The following ZC3H13 variants were observed in gnomAD, a reference collection of about 807,000 sequenced individuals.
The protein encoded by ZC3H13 is zinc finger CCCH domain-containing protein 13.
In ZC3H13, 64 loss-of-function variants were observed where a neutral mutation model predicts 204.1. The ratio of observed to expected loss-of-function variants is 0.31; its 90% CI spans 0.26 to 0.39. ZC3H13 has a LOEUF of 0.39. Among genes scored for constraint, ZC3H13 ranks in the 10% least tolerant of loss-of-function variants. The pLI, the probability that ZC3H13 is intolerant of heterozygous loss-of-function variation, is 1.00. For missense variants in ZC3H13, 1,833 were observed against 2,082.7 expected, an observed-to-expected ratio of 0.88 and a Z score of 2.33; for synonymous variants, 667 against 693.7, an observed-to-expected ratio of 0.96 and a Z score of 0.60.
intron 4 of ZC3H13, among the ~76,000 whole-genome samples, chr13:46,031,589 A>G (rs1309047605): frequency 6.6e-6 from 1 of 152,224 alleles, no homozygotes; most frequent in Non-Finnish European, 1.5e-5. Flanking sequence ...AAATTGAATA[A>G]TAAGAAAACA....
At chr13:45,987,506 T>A (rs190822187) in intron 9 of ZC3H13, among the ~76,000 whole-genome samples, 79 of 151,882 alleles carry the variant, frequency 5.2e-4, no homozygotes, top group Non-Finnish European at 9.6e-4. Flanking sequence ...TCATAAACAC[T>A]GCTGTGCTGA....
intron 8 of ZC3H13, among the ~76,000 whole-genome samples, chr13:45,990,559 C>T (rs1461996657): frequency 2.0e-5 from 3 of 152,006 alleles, no homozygotes; most frequent in African/African-American, 7.2e-5. Flanking sequence ...ATAGTGATTC[C>T]TTTCTAACAT....
At chr13:45,989,806 C>CAAG (rs72511236) in intron 8 of ZC3H13, among the ~76,000 whole-genome samples, 1 of 151,812 alleles carries the variant, frequency 6.6e-6, no homozygotes, top group Admixed American at 6.6e-5. Context: ...TCATTAAGCA[C>CAAG]ATCTGAATCA....
intron 5 of ZC3H13, among the ~76,000 whole-genome samples, chr13:46,013,899 A>C (rs2041740886): frequency 6.6e-6 from 1 of 152,176 alleles, no homozygotes; most frequent in Non-Finnish European, 1.5e-5. Flanking sequence ...AATTCTTACT[A>C]ATTAACAGAA....
chr13:45,993,266 T>C (rs1433868043), intron 8 of ZC3H13, among the ~76,000 whole-genome samples: 3 of 152,130 alleles, frequency 2.0e-5, no homozygotes, highest in Admixed American at 6.5e-5. Context: ...ACAATCTACA[T>C]GTGTGTGGCA....
chr13:46,043,487 C>T (rs2139166764), intron 3 of ZC3H13, among the ~76,000 whole-genome samples: 1 of 152,000 alleles, frequency 6.6e-6, no homozygotes, highest in East Asian at 1.9e-4. Context: ...TAATAAAACA[C>T]TTTAGTATGA....
rs765064582 is a variant in ZC3H13, at chr13:45,968,960, T to C, written c.3584A>G (p.Asn1195Ser). 6.8e-6 allele frequency: 11 copies of C among 1,614,118 alleles called. No individual in the cohort carries two copies. The highest frequency in any genetic ancestry group is 5.0e-5 in the Admixed American group (3 of 59,998). The change falls in exon 14 of 19, where the codon AAT becomes AGT. Residue 1195 changes from asparagine (N) to serine (S), a missense_variant. Physicochemically the swap from Asn to Ser is conservative, Grantham distance 46. Coordinates refer to ENST00000679008, the MANE Select transcript of ZC3H13 (RefSeq NM_001330564.2). ...DQKRSSSLGS[N>S]RSNRSHTSGR... is the part of the protein sequence containing the mutation. ...AGACGTATGACTACGGTTACTCCGA[T>C]TGCTCCCGAGGCTGCTGCTCCTCTT...
intron 15 of ZC3H13, among the ~76,000 whole-genome samples, chr13:45,966,085 T>C (rs894760075): frequency 1.3e-5 from 2 of 152,088 alleles, no homozygotes; most frequent in African/African-American, 4.8e-5. Flanking sequence ...GTATGTTCTA[T>C]TTTTTTATTT....
At chr13:46,008,529 AAAG>A (rs1451849126) in intron 7 of ZC3H13, among the ~76,000 whole-genome samples, 3 of 152,178 alleles carry the variant, frequency 2.0e-5, no homozygotes, top group African/African-American at 7.2e-5. Context: ...TGTTACTAAT[AAAG>A]AAGCAAAAGA....
At position 45,969,379 on chromosome 13, in the gene ZC3H13, G is replaced by A; in HGVS notation, c.3165C>T (p.Asp1055=). 1 of 1,614,038 alleles carries A rather than the reference G, an allele frequency of 6.2e-7. No individual in the cohort carries two copies. Among genetic ancestry groups the A allele is most frequent in the South Asian group, 1.1e-5 (1 of 91,070 alleles). Reference sequence around the variant, plus strand: ...ATGCTGTATCTTCTTTTTTCTGGGAGTCCTCTAGAATACCATTCTTACCAT... The same window carrying A: ...ATGCTGTATCTTCTTTTTTCTGGGAATCCTCTAGAATACCATTCTTACCAT... ...MCNGKNGILE[D]SQKKEDTAFS... The change falls in exon 14 of 19, where the codon GAC becomes GAT. Residue 1055 remains aspartate, a synonymous_variant. Transcript: ENST00000679008.
At chr13:45,959,701 C>T in intron 17 of ZC3H13, 55 bp from the exon 18 acceptor site, 2 of 1,441,492 alleles carry the variant, frequency 1.4e-6, no homozygotes, top group Middle Eastern at 3.6e-4. Flanking sequence ...AAAGGGTTAC[C>T]AACTACTTAA....
chr13:45,959,682 T>C (rs1355244573), intron 17 of ZC3H13, 36 bp from the exon 18 acceptor site: 33 of 1,484,704 alleles, frequency 2.2e-5, no homozygotes, highest in Non-Finnish European at 2.8e-5. Flanking sequence ...TAAGTTTTAC[T>C]AAAATAGAAA....
chr13:45,998,927 T>C (rs918170018), intron 8 of ZC3H13, among the ~76,000 whole-genome samples: 87 of 152,272 alleles, frequency 5.7e-4, no homozygotes, highest in African/African-American at 2.0e-3. Flanking sequence ...CGCTAGCATT[T>C]TACCCACAGT....
At chr13:46,032,584 G>C (rs577913987) in intron 4 of ZC3H13, among the ~76,000 whole-genome samples, 1 of 152,262 alleles carries the variant, frequency 6.6e-6, no homozygotes, top group South Asian at 2.1e-4. Context: ...CAATGCAAAT[G>C]TCATTATGTA....
At chr13:45,991,558 A>G (rs531887035) in intron 8 of ZC3H13, among the ~76,000 whole-genome samples, 2 of 152,274 alleles carry the variant, frequency 1.3e-5, no homozygotes, top group Non-Finnish European at 2.9e-5. Context: ...ACAGAGCTAT[A>G]GTAAAGTACA....
intron 4 of ZC3H13, among the ~76,000 whole-genome samples, chr13:46,028,462 T>C (rs575102113): frequency 2.0e-5 from 3 of 152,282 alleles, no homozygotes; most frequent in Non-Finnish European, 2.9e-5. Context: ...ATCAACAAAA[T>C]TGATATAATT....
intron 8 of ZC3H13, among the ~76,000 whole-genome samples, chr13:45,994,499 T>C (rs1360957079): frequency 6.6e-6 from 1 of 152,226 alleles, no homozygotes; most frequent in African/African-American, 2.4e-5. Context: ...ACTAATACTT[T>C]TATGAAACGT....
chr13:45,962,813 C>T (rs1380889213), intron 17 of ZC3H13: 2 of 985,092 alleles, frequency 2.0e-6, no homozygotes, highest in East Asian at 2.3e-4. Context: ...CACCTTTTAC[C>T]TCCTTTTCCT....
chr13:45,974,590 A>G (rs1952856708), intron 12 of ZC3H13, among the ~76,000 whole-genome samples: 1 of 152,194 alleles, frequency 6.6e-6, no homozygotes, highest in Non-Finnish European at 1.5e-5. Flanking sequence ...GAACTACTCC[A>G]CAGCACAAGA....
Sources: allele counts gnomAD v4.1 joint callset (sites outside exome capture counted in the v4.1 genomes callset), GRCh38; gene constraint gnomAD v4.1.1; transcripts MANE v1.5; gene names NCBI Gene and HGNC (gene_info 2026-07-23, HGNC 2026-07-21).